CNBD1: variants seen among roughly 807,000 people sequenced by gnomAD.
The protein encoded by CNBD1 is cyclic nucleotide-binding domain-containing protein 1.
CNBD1 carries 71 observed loss-of-function variants against 54.4 expected under a neutral mutation model. The observed-to-expected ratio is 1.30, with a 90% confidence interval of 1.08 to 1.59. The LOEUF is 1.59. Ranked by LOEUF, CNBD1 falls within the 40% of genes most tolerant of loss-of-function variation. The pLI, the probability that CNBD1 is intolerant of heterozygous loss-of-function variation, is 0.00. For synonymous variants in CNBD1, 182 were observed against 170.7 expected (o/e 1.07, Z -0.51); for missense variants, 659 against 518.0 (o/e 1.27, Z -2.64).
intron 4 of CNBD1, among the ~76,000 whole-genome samples, chr8:86,949,177 G>A (rs766441660): frequency 1.3e-5 from 2 of 152,150 alleles, no homozygotes; most frequent in Non-Finnish European, 2.9e-5. Context: ...TTAAAGTCAA[G>A]TAATGTGATT....
chr8:87,158,409 A>G (rs1044785710), intron 4 of CNBD1, among the ~76,000 whole-genome samples: 2 of 152,194 alleles, frequency 1.3e-5, no homozygotes, highest in African/African-American at 4.8e-5. Flanking sequence ...TACTATCAGC[A>G]TGCAGTGCTG....
In CNBD1 at chr8:87,192,373, C is replaced by G. The variant is rs571835434; in HGVS notation, c.432-13620C>G. Among the ~76,000 whole-genome samples, 4 of 152,092 alleles carry G rather than the reference C, an allele frequency of 2.6e-5. No individual in the cohort carries two copies. In the East Asian group the frequency reaches 5.8e-4, roughly 22 times the overall value. On this transcript the variant is annotated intron_variant, in intron 4 of 10. Transcript: ENST00000518476. ...CCAATAAACCTGGAACATCTCCTGC[C>G]CTAACTCAATTAGCCCCAATAACTC...
chr8:87,362,171 A>T (rs1437494803), intron 10 of CNBD1, among the ~76,000 whole-genome samples: 1 of 152,088 alleles, frequency 6.6e-6, no homozygotes, highest in African/African-American at 2.4e-5. Context: ...AGGAATGTCC[A>T]CTGCAATGCC....
intron 3 of CNBD1, among the ~76,000 whole-genome samples, chr8:86,930,577 A>C (rs947227840): frequency 6.6e-6 from 1 of 152,184 alleles, no homozygotes; most frequent in Non-Finnish European, 1.5e-5. Flanking sequence ...TGGGAGTCAG[A>C]GTGCAGAGGA....
chr8:86,974,935 C>A (rs1808307858), intron 4 of CNBD1, among the ~76,000 whole-genome samples: 2 of 151,860 alleles, frequency 1.3e-5, no homozygotes, highest in South Asian at 4.2e-4. Flanking sequence ...TAAGTCTATT[C>A]CCATTTACAA....
At chr8:87,097,219 T>A (rs1026686696) in intron 4 of CNBD1, among the ~76,000 whole-genome samples, 3 of 152,218 alleles carry the variant, frequency 2.0e-5, no homozygotes, top group Non-Finnish European at 4.4e-5. Flanking sequence ...TATCACATGG[T>A]CCTTTTTAAA....
At chr8:87,268,276 C>A (rs898859208) in intron 6 of CNBD1, among the ~76,000 whole-genome samples, 1 of 152,062 alleles carries the variant, frequency 6.6e-6, no homozygotes, top group Non-Finnish European at 1.5e-5. Flanking sequence ...CTGCAAAGGA[C>A]ATGATTTTGT....
At chr8:87,097,081 A>G (rs2130687897) in intron 4 of CNBD1, among the ~76,000 whole-genome samples, 1 of 151,138 alleles carries the variant, frequency 6.6e-6, no homozygotes, top group South Asian at 2.1e-4. Flanking sequence ...TTTAGTGAGG[A>G]AAAAAATTAA....
intron 4 of CNBD1, among the ~76,000 whole-genome samples, chr8:87,137,001 T>G (rs1285617845): frequency 8.1e-5 from 9 of 110,890 alleles, no homozygotes; most frequent in Non-Finnish European, 1.3e-4. Flanking sequence ...TTATATATAT[T>G]TATATTCTAT....
intron 4 of CNBD1, among the ~76,000 whole-genome samples, chr8:87,003,849 A>G (rs1322291698): frequency 2.0e-5 from 3 of 152,076 alleles, no homozygotes; most frequent in African/African-American, 7.2e-5. Flanking sequence ...ACTGCAGGAG[A>G]TTGTACCTAA....
intron 4 of CNBD1, among the ~76,000 whole-genome samples, chr8:87,034,342 T>C (rs1809859722): frequency 6.6e-6 from 1 of 152,234 alleles, no homozygotes; most frequent in Non-Finnish European, 1.5e-5. Flanking sequence ...TTTACTGTGA[T>C]AAAGCAGCCT....
At chr8:86,954,816 G>A (rs938380888) in intron 4 of CNBD1, among the ~76,000 whole-genome samples, 1 of 152,136 alleles carries the variant, frequency 6.6e-6, no homozygotes, top group Non-Finnish European at 1.5e-5. Flanking sequence ...TGTAAAGCAG[G>A]AAAGTTGAAC....
At chr8:87,273,359 C>A (rs1422672301) in intron 6 of CNBD1, among the ~76,000 whole-genome samples, 1 of 148,232 alleles carries the variant, frequency 6.7e-6, no homozygotes, top group African/African-American at 2.5e-5. Flanking sequence ...GAAGAAGAAA[C>A]GTTCTGCCTC....
chr8:86,968,529 G>A (rs576490913), intron 4 of CNBD1, among the ~76,000 whole-genome samples: 6 of 152,172 alleles, frequency 3.9e-5, no homozygotes, highest in African/African-American at 7.2e-5. Context: ...AGGTTTATCC[G>A]CCAAAGTTAA....
intron 3 of CNBD1, among the ~76,000 whole-genome samples, chr8:86,923,961 T>G (rs191068131): frequency 2.1e-3 from 323 of 152,274 alleles, no homozygotes; most frequent in Non-Finnish European, 3.6e-3. Context: ...CATGACCATA[T>G]GCAATGAAGG....
chr8:87,324,840 G>T (rs1809633936), intron 8 of CNBD1, among the ~76,000 whole-genome samples: 1 of 113,686 alleles, frequency 8.8e-6, no homozygotes, highest in African/African-American at 3.9e-5. Context: ...CTTGCCTTCT[G>T]CTAGCTTTTG....
At chr8:87,379,864 A>T (rs2130958268) in intron 10 of CNBD1, among the ~76,000 whole-genome samples, 1 of 152,152 alleles carries the variant, frequency 6.6e-6, no homozygotes, top group African/African-American at 2.4e-5. Flanking sequence ...AGAGCTTAGT[A>T]GCAAATCCTA....
intron 4 of CNBD1, among the ~76,000 whole-genome samples, chr8:87,137,989 T>C (rs971407847): frequency 3.3e-5 from 5 of 152,180 alleles, no homozygotes; most frequent in African/African-American, 1.2e-4. Context: ...TAATCTTTAT[T>C]ATATTTCAAA....
At chr8:87,359,123 T>G (rs963381477) in intron 10 of CNBD1, among the ~76,000 whole-genome samples, 1 of 152,162 alleles carries the variant, frequency 6.6e-6, no homozygotes, top group Non-Finnish European at 1.5e-5. Context: ...CAAAAGTGTT[T>G]CTTTTAGTCA....
Sources: allele counts gnomAD v4.1 joint callset (sites outside exome capture counted in the v4.1 genomes callset), GRCh38; gene constraint gnomAD v4.1.1; transcripts MANE v1.5; gene names NCBI Gene and HGNC (gene_info 2026-07-23, HGNC 2026-07-21).